Variants in DZANK1 observed in about 807,000 individuals in gnomAD.
The protein encoded by DZANK1 is double zinc ribbon and ankyrin repeat domains 1.
In DZANK1, 91 loss-of-function variants were observed where a neutral mutation model predicts 94.5. That is an observed-to-expected ratio of 0.96 (90% CI 0.81 to 1.15). DZANK1 has a LOEUF of 1.15. Among genes scored for constraint, DZANK1 ranks in the 50% most tolerant of loss-of-function variants. The pLI is 0.00. For synonymous variants in DZANK1, 312 were observed against 325.3 expected (o/e 0.96, Z 0.44); for missense variants, 903 against 916.4 (o/e 0.99, Z 0.19).
intron 3 of DZANK1, among the ~76,000 whole-genome samples, chr20:18,459,581 T>A (rs1252795988): frequency 6.6e-6 from 1 of 152,140 alleles, no homozygotes; most frequent in Non-Finnish European, 1.5e-5. Context: ...TTTTGTTTTG[T>A]TTTTTGCCTA....
chr20:18,390,228 G>A (rs1019892528), intron 18 of DZANK1, 151 bp downstream of exon 18: 2 of 706,066 alleles, frequency 2.8e-6, no homozygotes, highest in South Asian at 1.8e-5. Flanking sequence ...TTAATATAAA[G>A]CTTTTGACTA....
chr20:18,405,161 C>T (rs1600799859), intron 13 of DZANK1, among the ~76,000 whole-genome samples: 2 of 151,872 alleles, frequency 1.3e-5, no homozygotes, highest in South Asian at 2.1e-4. Context: ...TGTATCATTG[C>T]ACTCCAGCCT....
chr20:18,414,244 A>C, intron 12 of DZANK1, 104 bp downstream of exon 12: 1 of 1,357,054 alleles, frequency 7.4e-7, no homozygotes, highest in African/African-American at 1.5e-5. Flanking sequence ...AAAGTTCTAA[A>C]AGTTTTGGGT....
At chr20:18,448,944 T>C (rs760199849) in intron 7 of DZANK1, 40 bp downstream of exon 7, 3 of 1,509,028 alleles carry the variant, frequency 2.0e-6, no homozygotes, top group Non-Finnish European at 2.8e-6. Context: ...GATGTATCTT[T>C]GTAGGATTTA....
intron 3 of DZANK1, 151 bp downstream of exon 3, chr20:18,460,002 C>T (rs2059418993): frequency 1.7e-6 from 1 of 571,766 alleles, no homozygotes; most frequent in Non-Finnish European, 2.8e-6. Flanking sequence ...GCAAGTAAAA[C>T]ACAAATGTTA....
chr20:18,454,674 T>G (rs997858416), intron 4 of DZANK1: 1 of 154,866 alleles, frequency 6.5e-6, no homozygotes, highest in Non-Finnish European at 1.4e-5. Flanking sequence ...ACTGAGGACT[T>G]CTACTTAATG....
intron 20 of DZANK1, 110 bp downstream of exon 20, chr20:18,384,906 A>G (rs2048389597): frequency 1.9e-6 from 2 of 1,059,834 alleles, no homozygotes; most frequent in Admixed American, 4.9e-5. Flanking sequence ...GGTGGTCCCC[A>G]TGGACAGGGA....
chr20:18,466,869 C>T (rs2059676276), intron 1 of DZANK1, 127 bp downstream of exon 1: 1 of 152,556 alleles, frequency 6.6e-6, no homozygotes, highest in African/African-American at 2.4e-5. Flanking sequence ...CACCTGCATC[C>T]TTTCGGCTGG....
At chr20:18,398,206 G>A (rs1568890117) in intron 14 of DZANK1, 2 of 331,906 alleles carry the variant, frequency 6.0e-6, no homozygotes, top group South Asian at 4.3e-5. Flanking sequence ...TGATTTAAGT[G>A]CACGATCTGG....
exon 2 of DZANK1, chr20:18,465,277 T>C (rs779700241): frequency 1.2e-6 from 2 of 1,606,624 alleles, no homozygotes; most frequent in Non-Finnish European, 1.7e-6. Flanking sequence ...AGCGTATTGT[T>C]ATCAATTTCA....
intron 3 of DZANK1, among the ~76,000 whole-genome samples, chr20:18,459,144 C>G (rs1187243058): frequency 6.6e-6 from 1 of 152,204 alleles, no homozygotes; most frequent in Non-Finnish European, 1.5e-5. Flanking sequence ...CAGCATTTGG[C>G]CACCAGAGTA....
In DZANK1 at chr20:18,443,479, GT is replaced by G; in HGVS notation, c.630-16del. The G allele has an allele frequency of 7.2e-7, 1 of 1,383,048 alleles. No homozygotes were observed. The highest frequency in any genetic ancestry group is 9.5e-7 in the Non-Finnish European group (1 of 1,047,908). The allele number at this position is 1,383,048 out of a possible 1,614,324, so 85.7% of individuals were successfully genotyped here. ...AGTGGGCACACCTACAACAAAACAG[GT>G]TCCCGATTGGCCATGTTCTGGTGGG... is the stretch of plus-strand genomic sequence containing the variant. On this transcript the variant is annotated splice_polypyrimidine_tract_variant and intron_variant, in intron 7 of 20. Coordinates refer to ENST00000262547, the Ensembl canonical transcript of DZANK1.
chr20:18,466,207 A>G (rs541454252), intron 1 of DZANK1, among the ~76,000 whole-genome samples: 3 of 152,334 alleles, frequency 2.0e-5, no homozygotes, highest in Non-Finnish European at 2.9e-5. Flanking sequence ...ATTTTGCCCA[A>G]TTATAATCTA....
At chr20:18,434,030 T>C (rs961837167) in intron 8 of DZANK1, 3 of 378,124 alleles carry the variant, frequency 7.9e-6, no homozygotes, top group Non-Finnish European at 9.5e-6. Context: ...ATTATTTGTA[T>C]CAAATAACAC....
At chr20:18,450,018 T>G (rs989075590) in intron 6 of DZANK1, among the ~76,000 whole-genome samples, 2 of 151,638 alleles carry the variant, frequency 1.3e-5, no homozygotes, top group African/African-American at 4.8e-5. Context: ...GCAGAGGTTG[T>G]GGTGAGCCAA....
chr20:18,389,973 A>C lies in DZANK1; in HGVS notation c.1891-145T>G, dbSNP rs564081015. On this transcript the variant is annotated intron_variant, in intron 18 of 20. Transcript: ENST00000262547. ...AGATCAAAGGAGAGGAGAATCAGGA[A>C]CCTCAAGACCTGATCTACGATGAAC... The C allele has an allele frequency of 2.0e-3, 2,503 of 1,270,638 alleles. 3 individuals carry two copies. The highest frequency in any genetic ancestry group is 2.3e-3 in the Non-Finnish European group (2,162 of 924,292). The allele number at this position is 1,270,638 out of a possible 1,614,324, so 78.7% of individuals were successfully genotyped here.
At chr20:18,439,227 C>T (rs578103467) in intron 8 of DZANK1, among the ~76,000 whole-genome samples, 3 of 152,290 alleles carry the variant, frequency 2.0e-5, no homozygotes, top group African/African-American at 7.2e-5. Flanking sequence ...CCCCACTGCA[C>T]AGTCACTCAA....
intron 7 of DZANK1, among the ~76,000 whole-genome samples, 159 bp from the exon 8 acceptor site, chr20:18,443,623 G>T (rs2058781635): frequency 6.6e-6 from 1 of 152,164 alleles, no homozygotes; most frequent in South Asian, 2.1e-4. Flanking sequence ...TACTTATCTA[G>T]GTCATTTGGT....
intron 8 of DZANK1, among the ~76,000 whole-genome samples, chr20:18,439,699 T>G (rs977851738): frequency 6.6e-6 from 1 of 152,194 alleles, no homozygotes; most frequent in Non-Finnish European, 1.5e-5. Flanking sequence ...TTTTTAAGGA[T>G]GCAGCTGCTC....
Sources: gnomAD v4.1 joint callset for allele counts (sites outside exome capture counted in the v4.1 genomes callset) on GRCh38, gnomAD v4.1.1 for gene constraint, MANE v1.5 for transcripts, NCBI Gene and HGNC (gene_info 2026-07-23, HGNC 2026-07-21) for gene names.